PGM1: variants seen among roughly 807,000 people sequenced by gnomAD.
PGM1 encodes the protein phosphoglucomutase-1.
Under a neutral mutation model 55.6 loss-of-function variants are expected in PGM1, and 52 were observed. That is an observed-to-expected ratio of 0.94 (90% confidence interval 0.75 to 1.18). The LOEUF (loss-of-function observed/expected upper bound fraction) is 1.18, where lower values mean the gene tolerates loss of function less well. Among genes scored for constraint, PGM1 ranks in the 50% most tolerant of loss-of-function variants. The pLI, the probability that PGM1 is intolerant of heterozygous loss-of-function variation, is 0.00. For synonymous variants in PGM1, 287 were observed against 271.7 expected, an observed-to-expected ratio of 1.06 and a Z score of -0.55; for missense variants, 724 against 729.3, an observed-to-expected ratio of 0.99 and a Z score of 0.08.
chr1:63,638,294 C>G lies in PGM1; in HGVS notation c.1029-391C>G, dbSNP rs146266414. On this transcript the variant is annotated intron_variant, in intron 6 of 10. Transcript: ENST00000371084. ...CTGTAAAATGCTAACTGCCCAGACC[C>G]AGTATGTCATGATTCTGTGATTACA... Among the ~76,000 whole-genome samples the G allele has an allele frequency of 1.1e-3, 168 of 152,304 alleles. 7 individuals are homozygous for G. The highest frequency in any genetic ancestry group is 9.1e-4 in the Non-Finnish European group (62 of 68,026).
chr1:63,651,265 T>A (rs747178381), intron 8 of PGM1: 3 of 207,556 alleles, frequency 1.4e-5, no homozygotes, highest in Admixed American at 1.1e-4. Flanking sequence ...CCCAGGGAGC[T>A]TGGAGGAGAA....
At chr1:63,596,454 AC>A (rs2100951898) in intron 1 of PGM1, among the ~76,000 whole-genome samples, 1 of 151,346 alleles carries the variant, frequency 6.6e-6, no homozygotes, top group Non-Finnish European at 1.5e-5. Flanking sequence ...ATGAGGTTTC[AC>A]CATCTTGGCC....
chr1:63,634,760 T>C, intron 4 of PGM1, 69 bp from the exon 5 acceptor site: 1 of 1,353,136 alleles, frequency 7.4e-7, no homozygotes, highest in Non-Finnish European at 1.1e-6. Flanking sequence ...ACCTCACCCC[T>C]GAATCCTCAC....
chr1:63,632,085 T>G (rs1649211848), intron 4 of PGM1, among the ~76,000 whole-genome samples: 1 of 152,056 alleles, frequency 6.6e-6, no homozygotes, highest in Non-Finnish European at 1.5e-5. Context: ...ATACCTTACA[T>G]TCTTGCTGCA....
At chr1:63,648,469 A>G (rs747269880) in intron 7 of PGM1, 48 bp from the exon 8 acceptor site, 1 of 1,611,738 alleles carries the variant, frequency 6.2e-7, no homozygotes, top group Non-Finnish European at 8.5e-7. Flanking sequence ...CTTCTCAGGT[A>G]CTGGGAGAAA....
intron 1 of PGM1, among the ~76,000 whole-genome samples, chr1:63,620,846 G>A (rs1488217589): frequency 2.0e-5 from 3 of 152,196 alleles, no homozygotes; most frequent in Non-Finnish European, 4.4e-5. Flanking sequence ...TTGTGAAGGA[G>A]TACTGGCAAT....
intron 4 of PGM1, among the ~76,000 whole-genome samples, chr1:63,633,874 GT>G (rs1282550963): frequency 8.0e-3 from 172 of 21,572 alleles, no homozygotes; most frequent in Middle Eastern, 0.019. Context: ...CTCTGTGTGT[GT>G]GTGTGTGTGT....
intron 10 of PGM1, among the ~76,000 whole-genome samples, chr1:63,656,926 A>G (rs1022765159): frequency 6.6e-6 from 1 of 152,184 alleles, no homozygotes; most frequent in Admixed American, 6.5e-5. Flanking sequence ...GATGGCTATA[A>G]TGAATAACAC....
intron 3 of PGM1, 73 bp downstream of exon 3, chr1:63,630,161 T>A: frequency 7.2e-7 from 1 of 1,397,496 alleles, no homozygotes; most frequent in Non-Finnish European, 1.0e-6. Flanking sequence ...AACGTTTTAG[T>A]AGAGGGTCTT....
At chr1:63,654,299 T>C in intron 9 of PGM1, 33 bp from the exon 10 acceptor site, 2 of 1,612,040 alleles carry the variant, frequency 1.2e-6, no homozygotes, top group Non-Finnish European at 1.7e-6. Flanking sequence ...CTCCCAGCAT[T>C]TGGGGAAAAA....
intron 1 of PGM1, chr1:63,594,253 G>T (rs894198730): frequency 2.0e-6 from 1 of 504,778 alleles, no homozygotes; most frequent in Non-Finnish European, 2.6e-6. Context: ...ACACTGTGGG[G>T]CAAGGGTGGC....
chr1:63,600,490 T>C (rs565979981), intron 1 of PGM1, among the ~76,000 whole-genome samples: 1 of 152,286 alleles, frequency 6.6e-6, no homozygotes, highest in East Asian at 1.9e-4. Flanking sequence ...CAACAGTGAA[T>C]TGAACAAAGT....
chr1:63,642,216 C>T lies in PGM1; in HGVS notation c.1144+3416C>T, dbSNP rs371713381. ...GGACTGGTCCACCGAGTAAAACAAA[C>T]CACTAGCATCTGCAGAACAATCTTG... On this transcript the variant is annotated intron_variant, in intron 7 of 10. Coordinates refer to ENST00000371084, the MANE Select transcript of PGM1 (RefSeq NM_002633.3). Among the ~76,000 whole-genome samples the T allele has an allele frequency of 8.5e-5, 13 of 152,350 alleles. 3 individuals are homozygous for T. Among genetic ancestry groups the T allele is most frequent in the East Asian group, 1.9e-4 (1 of 5,194 alleles).
chr1:63,618,605 T>C (rs1648804916), intron 1 of PGM1, among the ~76,000 whole-genome samples: 1 of 152,242 alleles, frequency 6.6e-6, no homozygotes, highest in Non-Finnish European at 1.5e-5. Context: ...TCATCATCTG[T>C]ACACTTAATT....
intron 1 of PGM1, among the ~76,000 whole-genome samples, chr1:63,602,712 A>T (rs544243475): frequency 1.3e-5 from 2 of 152,226 alleles, no homozygotes; most frequent in East Asian, 3.9e-4. Context: ...GGCTAAACCG[A>T]CAAGTGTGAG....
intron 1 of PGM1, among the ~76,000 whole-genome samples, chr1:63,628,667 C>T (rs1649104436): frequency 6.6e-6 from 1 of 152,162 alleles, no homozygotes; most frequent in Admixed American, 6.5e-5. Context: ...AAATTACTGT[C>T]ATTTTAGCAA....
rs1219847233 is a variant in PGM1, at chr1:63,648,664, C to T, written c.1280+12C>T. On this transcript the variant is annotated intron_variant, in intron 8 of 10. Transcript: ENST00000371084. ...AATTTCTTCACCAGGTGAGCCACAG[C>T]CCAGCTGGGGTACAAGGTAAGGTGG... 2 of 1,613,306 alleles carry T rather than the reference C, an allele frequency of 1.2e-6. No homozygotes were observed. Among genetic ancestry groups the T allele is most frequent in the Non-Finnish European group, 1.7e-6 (2 of 1,179,866 alleles).
rs1157337400 is a variant in PGM1, at chr1:63,620,036, TACC to T, written c.247-9387_247-9385del. On this transcript the variant is annotated intron_variant, in intron 1 of 10. Coordinates refer to ENST00000371084, the MANE Select transcript of PGM1 (RefSeq NM_002633.3). ...TGACAATGACCGATAATCTACCTTA[TACC>T]AGGCACAGTACTGGGTGTTTTCACA... Among the ~76,000 whole-genome samples the T allele has an allele frequency of 2.0e-5, 3 of 152,338 alleles. No homozygotes were observed. In the East Asian group the frequency reaches 5.8e-4, roughly 29 times the overall value.
chr1:63,632,145 A>G (rs769727567), intron 4 of PGM1, among the ~76,000 whole-genome samples: 7 of 151,950 alleles, frequency 4.6e-5, no homozygotes, highest in Non-Finnish European at 1.0e-4. Flanking sequence ...TGTGATAAAC[A>G]TACTCCTGAG....
Sources: allele counts gnomAD v4.1 joint callset (sites outside exome capture counted in the v4.1 genomes callset), GRCh38; gene constraint gnomAD v4.1.1; transcripts MANE v1.5; gene names NCBI Gene and HGNC (gene_info 2026-07-23, HGNC 2026-07-21).